The following POC1B variants were observed in gnomAD, a reference collection of about 807,000 sequenced individuals.
POC1B encodes POC1 centriolar protein B.
Under a neutral mutation model 60.6 loss-of-function variants are expected in POC1B, and 44 were observed. That is an observed-to-expected ratio of 0.73 (90% CI 0.57 to 0.93). POC1B has a LOEUF of 0.93. POC1B is among the 40% of genes least tolerant of loss of function. The probability of loss-of-function intolerance (pLI) is 0.00; values close to 1 mark genes in which losing one functional copy is unlikely to be tolerated. For synonymous variants in POC1B, 180 were observed against 198.9 expected (o/e 0.90, Z 0.80); for missense variants, 555 against 572.3 (o/e 0.97, Z 0.31).
chr12:89,430,982 G>A (rs1386513428), intron 10 of POC1B, among the ~76,000 whole-genome samples: 1 of 152,008 alleles, frequency 6.6e-6, no homozygotes, highest in Non-Finnish European at 1.5e-5. Flanking sequence ...CCTTCTCAGA[G>A]GTACAGTGAG....
chr12:89,451,966 G>A (rs1412549406), intron 10 of POC1B, among the ~76,000 whole-genome samples: 1 of 152,206 alleles, frequency 6.6e-6, no homozygotes, highest in Non-Finnish European at 1.5e-5. Context: ...AGCTCATTAT[G>A]GGCTGACAGT....
intron 1 of POC1B, 189 bp downstream of exon 1, chr12:89,525,691 TG>T (rs1871412244): frequency 8.0e-7 from 1 of 1,248,532 alleles, no homozygotes; most frequent in Non-Finnish European, 1.0e-6. Flanking sequence ...GAGCCGGGTC[TG>T]GGTTCCGCAC....
chr12:89,469,910 C>T (rs886382817), intron 7 of POC1B, among the ~76,000 whole-genome samples: 22 of 151,536 alleles, frequency 1.5e-4, no homozygotes, highest in African/African-American at 3.4e-4. Context: ...GCTCTGTTGC[C>T]GGGCTGGAGT....
chr12:89,485,019 G>A (rs1868557446), intron 4 of POC1B, among the ~76,000 whole-genome samples: 1 of 152,206 alleles, frequency 6.6e-6, no homozygotes, highest in African/African-American at 2.4e-5. Context: ...AAAAGAAGAA[G>A]GCCCTGACTA....
chr12:89,520,324 A>G (rs1207046369), intron 2 of POC1B: 1 of 152,168 alleles, frequency 6.6e-6, no homozygotes, highest in African/African-American at 2.4e-5. Flanking sequence ...TGTAATAAGT[A>G]CTTTCAAAAT....
At chr12:89,408,578 T>C in the POC1B span, among the ~76,000 whole-genome samples, 1 of 150,792 alleles carries the variant, frequency 6.6e-6, no homozygotes, top group Non-Finnish European at 1.5e-5. Context: ...CTACACCTCC[T>C]GGGTTCACGC....
At chr12:89,470,598 C>T in intron 6 of POC1B, 104 bp from the exon 7 acceptor site, 1 of 949,892 alleles carries the variant, frequency 1.1e-6, no homozygotes, top group Non-Finnish European at 1.5e-6. Context: ...AGCACTGTTT[C>T]CACAACAACA....
chr12:89,499,156 AG>A (rs1403613502), intron 2 of POC1B, among the ~76,000 whole-genome samples: 1 of 152,146 alleles, frequency 6.6e-6, no homozygotes, highest in Non-Finnish European at 1.5e-5. Flanking sequence ...GAAGCTGAAA[AG>A]GGGGCAGATG....
intron 2 of POC1B, chr12:89,524,110 G>T (rs770415782): frequency 6.2e-7 from 1 of 1,613,986 alleles, no homozygotes; most frequent in Non-Finnish European, 8.5e-7. Context: ...AGTCGACCAG[G>T]CTTCGTTATA....
At position 89,525,111 on chromosome 12, in the gene POC1B, A is replaced by G. The variant is rs371397287; in HGVS notation, c.100+9T>C. On this transcript the variant is annotated intron_variant, in intron 2 of 11. Coordinates refer to ENST00000313546, the MANE Select transcript of POC1B (RefSeq NM_172240.3). Reference sequence around the variant, plus strand: ...CTCATTACAAAAGCAAAACAAGAATAAGACTTACCAAGTTGCTTGCCGTTG... The same window carrying G: ...CTCATTACAAAAGCAAAACAAGAATGAGACTTACCAAGTTGCTTGCCGTTG... 1.6e-4 allele frequency: 253 copies of G among 1,613,810 alleles called. No homozygotes were observed. The highest frequency in any genetic ancestry group is 2.0e-4 in the Non-Finnish European group (240 of 1,179,862).
At chr12:89,452,349 A>C (rs1882079454) in intron 10 of POC1B, among the ~76,000 whole-genome samples, 1 of 152,200 alleles carries the variant, frequency 6.6e-6, no homozygotes, top group Admixed American at 6.5e-5. Flanking sequence ...AGGAAATTCT[A>C]AAAAGTATTT....
chr12:89,489,750 G>A (rs1264064160), intron 4 of POC1B, among the ~76,000 whole-genome samples: 1 of 152,178 alleles, frequency 6.6e-6, no homozygotes, highest in African/African-American at 2.4e-5. Flanking sequence ...TTCCCCTGCT[G>A]ACCACCTCTG....
intron 10 of POC1B, among the ~76,000 whole-genome samples, chr12:89,446,923 C>G (rs995113228): frequency 1.3e-5 from 2 of 151,858 alleles, no homozygotes; most frequent in Non-Finnish European, 2.9e-5. Flanking sequence ...GGTACCAAGG[C>G]AAAAAGTAAA....
chr12:89,501,453 C>A, intron 2 of POC1B: 1 of 964,430 alleles, frequency 1.0e-6, no homozygotes, highest in South Asian at 1.4e-5. Context: ...CACATATTAC[C>A]CAAGACAAAT....
chr12:89,523,890 C>T lies in POC1B; in HGVS notation c.100+1230G>A, dbSNP rs1360658345. 8 of 1,582,170 alleles carry T rather than the reference C, an allele frequency of 5.1e-6. No homozygotes were observed. In the South Asian group the frequency reaches 9.4e-5, roughly 19 times the overall value. ...GACAATCCAGGAAAGTGAGGACGTC[C>T]CCAGTGGCGAAAGTGGCCCCAATCA... is the stretch of plus-strand genomic sequence containing the variant. On this transcript the variant is annotated intron_variant, in intron 2 of 11. Transcript: ENST00000313546.
chr12:89,506,083 T>C (rs1239590086), intron 2 of POC1B, among the ~76,000 whole-genome samples: 1 of 152,182 alleles, frequency 6.6e-6, no homozygotes, highest in Non-Finnish European at 1.5e-5. Flanking sequence ...AGTTTTGAGA[T>C]GCCAATTAGA....
At chr12:89,524,215 A>G (rs1280372912) in intron 2 of POC1B, 1 of 1,613,984 alleles carries the variant, frequency 6.2e-7, no homozygotes, top group Admixed American at 1.7e-5. Context: ...GTGTCGATGC[A>G]GGGAAATCCT....
intron 2 of POC1B, among the ~76,000 whole-genome samples, chr12:89,513,613 G>A (rs540338803): frequency 1.3e-5 from 2 of 152,314 alleles, no homozygotes; most frequent in South Asian, 4.1e-4. Flanking sequence ...CTGGCCTAAT[G>A]GAAAAGGGTA....
intron 10 of POC1B, chr12:89,429,027 A>T (rs1247785693): frequency 2.0e-5 from 3 of 152,216 alleles, no homozygotes; most frequent in Non-Finnish European, 4.4e-5. Flanking sequence ...AAAAGGCCCC[A>T]ATCATTCATT....
Sources: allele counts gnomAD v4.1 joint callset (sites outside exome capture counted in the v4.1 genomes callset), GRCh38; gene constraint gnomAD v4.1.1; transcripts MANE v1.5; gene names NCBI Gene and HGNC (gene_info 2026-07-23, HGNC 2026-07-21).